The following DBH variants were observed in gnomAD, a reference collection of about 807,000 sequenced individuals.
The protein encoded by DBH is dopamine beta-hydroxylase, also known as dopamine beta-hydroxylase (dopamine beta-monooxygenase).
In DBH, 49 loss-of-function variants were observed where a neutral mutation model predicts 64.0. That is an observed-to-expected ratio of 0.77 (90% CI 0.61 to 0.97). DBH has a LOEUF of 0.97. Ranked by LOEUF, DBH falls within the 50% of genes least tolerant of loss-of-function variation. The pLI is 0.00. For synonymous variants in DBH, 343 were observed against 347.1 expected, an observed-to-expected ratio of 0.99 and a Z score of 0.13; for missense variants, 828 against 826.6, an observed-to-expected ratio of 1.00 and a Z score of -0.02.
intron 2 of DBH, among the ~76,000 whole-genome samples, chr9:133,641,594 C>T (rs576511205): frequency 2.0e-5 from 3 of 152,374 alleles, no homozygotes; most frequent in Admixed American, 1.3e-4. Flanking sequence ...ACCCGATCCC[C>T]GTTTCCATTC....
chr9:133,647,120 T>C lies in DBH; in HGVS notation c.1025-726T>C, dbSNP rs376450811. Among the ~76,000 whole-genome samples the C allele has an allele frequency of 4.9e-4, 74 of 152,276 alleles. 2 individuals carry two copies. The highest frequency in any genetic ancestry group is 1.6e-3 in the African/African-American group (68 of 41,554). On this transcript the variant is annotated intron_variant, in intron 5 of 11. Transcript: ENST00000393056. Reference sequence around the variant, plus strand: ...GGGGCTAGACCTGCAACGCTGGCCCTCCTCCTGGGGGGCCACATTCTCACT... The same window carrying C: ...GGGGCTAGACCTGCAACGCTGGCCCCCCTCCTGGGGGGCCACATTCTCACT...
In DBH at chr9:133,643,802, C is replaced by T. The variant is rs1027700092; in HGVS notation, c.921+213C>T. 1.3e-5 allele frequency among the ~76,000 whole-genome samples: 2 copies of T among 152,192 alleles called. No homozygotes were observed. Among genetic ancestry groups the T allele is most frequent in the African/African-American group, 4.8e-5 (2 of 41,448 alleles). ...CTTTTTTTTATTTTCCACAGAAACG[C>T]AAGTGCCGCAGGACCTTATGCCCTC... On this transcript the variant is annotated intron_variant, in intron 4 of 11. Coordinates refer to ENST00000393056, the MANE Select transcript of DBH (RefSeq NM_000787.4). This position sits in a 1 kb window ranked among gnomAD's most constrained non-coding sequence, Gnocchi z 5.3.
At chr9:133,649,372 G>T (rs1178428528) in intron 6 of DBH, among the ~76,000 whole-genome samples, 3 of 152,248 alleles carry the variant, frequency 2.0e-5, no homozygotes. Context: ...CACAGATGGG[G>T]AGACTGAGGC....
intron 7 of DBH, 126 bp from the exon 8 acceptor site, chr9:133,652,120 G>A: frequency 9.2e-7 from 1 of 1,082,766 alleles, no homozygotes; most frequent in Non-Finnish European, 1.4e-6. Flanking sequence ...TTCCACTGTA[G>A]AGGCTGGGGC....
In DBH at chr9:133,642,244, A is replaced by G; in HGVS notation, c.524A>G (p.Glu175Gly). Residue 175 changes from glutamate to glycine, a missense_variant, in exon 3 of 12, where the codon GAG becomes GGG. Physicochemically the swap from Glu to Gly is moderately conservative, Grantham distance 98 (BLOSUM62 -2). Transcript: ENST00000393056. Reference sequence around the variant, plus strand: ...CACTTGGTCTACGGGATCCTGGAGGAGCCGTTCCGGTCACTGGAGGCCATC... The same window carrying G: ...CACTTGGTCTACGGGATCCTGGAGGGGCCGTTCCGGTCACTGGAGGCCATC... ...TVHLVYGILEEPFRSLEAING... is the reference protein window; with the variant it reads ...TVHLVYGILEGPFRSLEAING... 1.4e-5 allele frequency: 23 copies of G among 1,613,750 alleles called. No homozygotes were observed. The highest frequency in any genetic ancestry group is 1.9e-5 in the Non-Finnish European group (23 of 1,179,960).
In DBH at chr9:133,656,609, G is replaced by C; in HGVS notation, c.1521G>C (p.Val507=). The change falls in exon 10 of 12, where the codon GTG becomes GTC. Residue 507 remains valine (V), a synonymous_variant. Coordinates refer to ENST00000393056, the MANE Select transcript of DBH (RefSeq NM_000787.4). ...AGCTGGAGCTCTGCAAGAGCGCTGT[G>C]GACGCCGGCTTCCTGCAGAAGTACT... ...QTQLELCKSA[V]DAGFLQKYFH... The C allele has an allele frequency of 6.2e-7, 1 of 1,613,442 alleles. No individual in the cohort carries two copies.
intron 10 of DBH, 36 bp from the exon 11 acceptor site, chr9:133,657,034 C>T (rs1235453076): frequency 1.2e-6 from 2 of 1,612,998 alleles, no homozygotes; most frequent in Admixed American, 1.7e-5. Context: ...TGCCCGTCAG[C>T]TGCTCCCCAG....
intron 3 of DBH, among the ~76,000 whole-genome samples, chr9:133,642,898 G>A (rs1285107876): frequency 4.6e-5 from 7 of 152,168 alleles, no homozygotes; most frequent in African/African-American, 1.2e-4. Flanking sequence ...GGGGAGGGGC[G>A]AGGTGATCCC....
chr9:133,642,454 A>G lies in DBH; in HGVS notation c.734A>G (p.His245Arg), dbSNP rs1832128699. Residue 245 changes from histidine to arginine, a missense_variant, in exon 3 of 12, where the codon CAC becomes CGC. Transcript: ENST00000393056. ...CTTCCAAAGGGCTTCTCTCGGCACCACATTATCAAGGTACGTGCGGGTCCA... is the reference window on the plus strand; with the variant it reads ...CTTCCAAAGGGCTTCTCTCGGCACCGCATTATCAAGGTACGTGCGGGTCCA... ...KELPKGFSRH[H>R]IIKYEPIVTK... 2 of 1,610,306 alleles carry G rather than the reference A, an allele frequency of 1.2e-6. No homozygotes were observed. The highest frequency in any genetic ancestry group is 2.2e-5 in the East Asian group (1 of 44,746).
At chr9:133,650,330 G>C (rs1199714161) in intron 6 of DBH, among the ~76,000 whole-genome samples, 1 of 152,156 alleles carries the variant, frequency 6.6e-6, no homozygotes, top group Non-Finnish European at 1.5e-5. Flanking sequence ...GGGACCTGCT[G>C]ACTGCATGAA....
chr9:133,654,055 A>G (rs966510548), intron 9 of DBH, among the ~76,000 whole-genome samples: 9 of 152,228 alleles, frequency 5.9e-5, no homozygotes, highest in African/African-American at 1.4e-4. Flanking sequence ...TTTTAATCCA[A>G]TGTGGATTCA....
chr9:133,640,092 T>TGGGGCC (rs1204154329), intron 2 of DBH, 100 bp downstream of exon 2: 1 of 1,489,024 alleles, frequency 6.7e-7, no homozygotes. Context: ...CTGATAAGTC[T>TGGGGCC]GGGGCCTGGG....
At chr9:133,639,712 C>A in intron 1 of DBH, 134 bp from the exon 2 acceptor site, 1 of 957,918 alleles carries the variant, frequency 1.0e-6, no homozygotes, top group Non-Finnish European at 1.6e-6. Flanking sequence ...CCCTCAGATC[C>A]ACAGGGACTG....
Position 133,644,218 on chromosome 9 carries a change from G to A in DBH, c.922G>A (p.Ala308Thr). Reference protein sequence around the residue: ...VLAAWALGAKAFYYPEEAGLA... With the variant: ...VLAAWALGAKTFYYPEEAGLA... ...CTGTCTGACACCTTGCCCCACACAG[G>A]CATTTTACTACCCAGAGGAAGCCGG... Residue 308 changes from alanine (A) to threonine (T), a missense_variant and splice_region_variant, in exon 5 of 12, where the codon GCA becomes ACA. Ala to Thr is a moderately conservative substitution (Grantham distance 58). Coordinates refer to ENST00000393056, the MANE Select transcript of DBH (RefSeq NM_000787.4). 6.2e-7 allele frequency: 1 copy of A among 1,613,092 alleles called. No individual in the cohort carries two copies. The highest frequency in any genetic ancestry group is 8.5e-7 in the Non-Finnish European group (1 of 1,179,022).
chr9:133,648,178 G>A lies in DBH; in HGVS notation c.1191+166G>A, dbSNP rs3025412. ...TTTCTGTATGCAAGGGAACCCTGCT[G>A]CTGAGAGGCCATTTGTGTGTGTATG... On this transcript the variant is annotated intron_variant, in intron 6 of 11. Transcript: ENST00000393056. Among the ~76,000 whole-genome samples the A allele has an allele frequency of 4.1e-3, 630 of 152,352 alleles. 3 individuals carry two copies. Among genetic ancestry groups the A allele is most frequent in the African/African-American group, 0.014 (602 of 41,588 alleles).
intron 9 of DBH, 71 bp from the exon 10 acceptor site, chr9:133,656,452 C>A: frequency 1.0e-5 from 16 of 1,604,550 alleles, no homozygotes; most frequent in African/African-American, 1.3e-5. Flanking sequence ...CACGTGGGTG[C>A]GGCGAAAGCT....
At position 133,658,310 on chromosome 9, in the gene DBH, T is replaced by C; in HGVS notation, c.1723-6T>C. Reference sequence around the variant, plus strand: ...CTCAGTTTACCTCCTGCCCCCTTCCTTGCAGGGTGAATGGAACCTGCAGCC... The same window carrying C: ...CTCAGTTTACCTCCTGCCCCCTTCCCTGCAGGGTGAATGGAACCTGCAGCC... On this transcript the variant is annotated splice_region_variant and splice_polypyrimidine_tract_variant and intron_variant, in intron 11 of 11. Transcript: ENST00000393056. 6.2e-7 allele frequency: 1 copy of C among 1,613,834 alleles called. No individual in the cohort carries two copies. The highest frequency in any genetic ancestry group is 8.5e-7 in the Non-Finnish European group (1 of 1,179,838).
chr9:133,647,567 T>C (rs1564211195), intron 5 of DBH, among the ~76,000 whole-genome samples: 1 of 152,230 alleles, frequency 6.6e-6, no homozygotes, highest in East Asian at 1.9e-4. Context: ...ATCACATCTT[T>C]CCATAGCATT....
intron 6 of DBH, among the ~76,000 whole-genome samples, chr9:133,648,833 T>G (rs1433315914): frequency 2.0e-5 from 3 of 152,262 alleles, no homozygotes; most frequent in Non-Finnish European, 4.4e-5. Context: ...AATCAGTGTC[T>G]AGGCTGTTCT....
Sources: gnomAD v4.1 joint callset for allele counts (sites outside exome capture counted in the v4.1 genomes callset) on GRCh38, gnomAD v4.1.1 for gene constraint, Gnocchi (gnomAD v3.1) non-coding constraint, MANE v1.5 for transcripts, NCBI Gene and HGNC (gene_info 2026-07-23, HGNC 2026-07-21) for gene names.